CABLES1: variants seen among roughly 807,000 people sequenced by gnomAD.
CABLES1 encodes the protein Cdk5 and Abl enzyme substrate 1, also known as CDK5 and ABL1 enzyme substrate 1.
In CABLES1, 36 loss-of-function variants were observed where a neutral mutation model predicts 57.8. The ratio of observed to expected loss-of-function variants is 0.62; its 90% CI spans 0.48 to 0.82. CABLES1 has a LOEUF of 0.82. Ranked by LOEUF, CABLES1 falls within the 40% of genes least tolerant of loss-of-function variation. The probability of loss-of-function intolerance (pLI) is 0.00; values close to 1 mark genes in which losing one functional copy is unlikely to be tolerated. For missense variants in CABLES1, 767 were observed against 836.6 expected (o/e 0.92, Z 1.03); for synonymous variants, 374 against 363.0 (o/e 1.03, Z -0.35).
intron 8 of CABLES1, among the ~76,000 whole-genome samples, chr18:23,253,356 G>A (rs1479562231): frequency 1.3e-5 from 2 of 152,210 alleles, no homozygotes; most frequent in Non-Finnish European, 2.9e-5. Context: ...GGTGGTGCAC[G>A]CCTGTAAGCA....
At chr18:23,230,231 G>T (rs1475878278) in intron 4 of CABLES1, among the ~76,000 whole-genome samples, 1 of 152,154 alleles carries the variant, frequency 6.6e-6, no homozygotes, top group African/African-American at 2.4e-5. Flanking sequence ...AATTAGCCGG[G>T]CATGGCGGCA....
intron 3 of CABLES1, among the ~76,000 whole-genome samples, chr18:23,207,645 C>T (rs1456211041): frequency 6.6e-6 from 1 of 152,166 alleles, no homozygotes; most frequent in Non-Finnish European, 1.5e-5. Context: ...AGATCCCCAG[C>T]ACCTAGTACA....
rs900567741 is a variant in CABLES1, at chr18:23,245,436, G to A, written c.1447-7524G>A. 5.9e-5 allele frequency among the ~76,000 whole-genome samples: 9 copies of A among 151,914 alleles called. 1 individual carries two copies. Among genetic ancestry groups the A allele is most frequent in the South Asian group, 4.2e-4 (2 of 4,796 alleles). ...TGAGGCACGAGAATCGCTTGAACCC[G>A]GGAGGCGGAAGTTGCAGTGAGTGCC... On this transcript the variant is annotated intron_variant, in intron 7 of 9. Coordinates refer to ENST00000256925, the MANE Select transcript of CABLES1 (RefSeq NM_001100619.3).
At chr18:23,171,857 G>A (rs76071146) in intron 1 of CABLES1, among the ~76,000 whole-genome samples, 2,526 of 152,288 alleles carry the variant, frequency 0.017, 37 homozygotes, top group Middle Eastern at 0.044. Flanking sequence ...TCTGGCCTGT[G>A]AGTGTTGACC....
At chr18:23,237,113 T>TCATTTTG (rs756389414) in intron 6 of CABLES1, 29 bp from the exon 7 acceptor site, 9 of 1,345,220 alleles carry the variant, frequency 6.7e-6, no homozygotes, top group East Asian at 2.3e-5. Flanking sequence ...CCGCTAATTA[T>TCATTTTG]CATTTTGCAT....
rs1248996924 is a variant in CABLES1 at position 23,253,839 on chromosome 18, A to G, written c.1664A>G (p.Asn555Ser). The change falls in exon 9 of 10, where the codon AAC (asparagine) becomes AGC (serine). Residue 555 changes from asparagine (N) to serine (S), a missense_variant. Physicochemically the swap from Asn to Ser is conservative, Grantham distance 46 (BLOSUM62 1). Transcript: ENST00000256925. ...FEKLALKGKL[N>S]KQNRKLCAGA... ...AAGCTCGCCCTCAAGGGGAAACTCAACAAACAGAACCGGAAGCTGTGTGCT... is the reference window on the plus strand; with the variant it reads ...AAGCTCGCCCTCAAGGGGAAACTCAGCAAACAGAACCGGAAGCTGTGTGCT... 3.1e-6 allele frequency: 5 copies of G among 1,614,130 alleles called. No homozygotes were observed. The African/African-American group carries it at 6.7e-5, about 22-fold the overall frequency.
At chr18:23,143,059 T>G (rs1013277983) in intron 1 of CABLES1, among the ~76,000 whole-genome samples, 14 of 152,172 alleles carry the variant, frequency 9.2e-5, no homozygotes, top group Non-Finnish European at 2.9e-5. Flanking sequence ...AATTTACAGG[T>G]CAGGCTCATG....
At chr18:23,181,448 A>G (rs1273365906) in intron 1 of CABLES1, among the ~76,000 whole-genome samples, 2 of 140,218 alleles carry the variant, frequency 1.4e-5, no homozygotes, top group Non-Finnish European at 3.0e-5. Context: ...GTAAGCCAAG[A>G]TCACACCATT....
At chr18:23,188,262 A>G (rs1235371337) in intron 1 of CABLES1, among the ~76,000 whole-genome samples, 1 of 152,174 alleles carries the variant, frequency 6.6e-6, no homozygotes, top group African/African-American at 2.4e-5. Flanking sequence ...ATCATGCCAT[A>G]TATTTATTCT....
At chr18:23,255,270 T>A (rs1476776457) in intron 9 of CABLES1, among the ~76,000 whole-genome samples, 1 of 152,060 alleles carries the variant, frequency 6.6e-6, no homozygotes, top group South Asian at 2.1e-4. Context: ...GCCCCAGATA[T>A]CAAAGCATCA....
At chr18:23,181,212 G>A (rs1012873072) in intron 1 of CABLES1, among the ~76,000 whole-genome samples, 10 of 152,110 alleles carry the variant, frequency 6.6e-5, no homozygotes, top group African/African-American at 1.7e-4. Flanking sequence ...TAGGCCAGCC[G>A]CGGTGTAATC....
At chr18:23,165,783 C>T (rs1334039612) in intron 1 of CABLES1, among the ~76,000 whole-genome samples, 1 of 152,228 alleles carries the variant, frequency 6.6e-6, no homozygotes, top group Non-Finnish European at 1.5e-5. Flanking sequence ...TTCCACTTTT[C>T]AGCTCTTGTG....
rs1455367280 is a variant in CABLES1 at position 23,234,717 on chromosome 18, G to A, written c.1185+13G>A. ...TGCTGATGGGAAGGTAAGGCTGCCA[G>A]GCTGCCAGTCACCAAGTTGTGCTGA... is the stretch of plus-strand genomic sequence containing the variant. On this transcript the variant is annotated intron_variant, in intron 5 of 9. Transcript: ENST00000256925. 1 of 1,607,344 alleles carries A rather than the reference G, an allele frequency of 6.2e-7. No individual in the cohort carries two copies. The highest frequency in any genetic ancestry group is 8.5e-7 in the Non-Finnish European group (1 of 1,174,980).
In CABLES1 at chr18:23,209,346, G is replaced by T. The variant is rs116278912; in HGVS notation, c.1011-4631G>T. On this transcript the variant is annotated intron_variant, in intron 3 of 9. Transcript: ENST00000256925. The stretch of plus-strand genomic sequence containing the variant: ...TTGGAACACATCCCTTGTGGATAAG[G>T]GGGGACACCTGTACTTACAAATAAG... 2.7e-3 allele frequency among the ~76,000 whole-genome samples: 409 copies of T among 152,330 alleles called. 1 individual carries two copies. The highest frequency in any genetic ancestry group is 9.6e-3 in the African/African-American group (398 of 41,568).
At chr18:23,208,010 A>G (rs929435212) in intron 3 of CABLES1, among the ~76,000 whole-genome samples, 53 of 152,292 alleles carry the variant, frequency 3.5e-4, no homozygotes, top group African/African-American at 1.3e-3. Flanking sequence ...TGCCCTGTGC[A>G]GCTCCACACT....
At chr18:23,252,509 C>CTGTT (rs2048063562) in intron 7 of CABLES1, among the ~76,000 whole-genome samples, 1 of 152,184 alleles carries the variant, frequency 6.6e-6, no homozygotes, top group Non-Finnish European at 1.5e-5. Flanking sequence ...GGCACTGTTA[C>CTGTT]TGTTTTTTGT....
chr18:23,251,152 A>T (rs1598881554), intron 7 of CABLES1, among the ~76,000 whole-genome samples: 1 of 152,194 alleles, frequency 6.6e-6, no homozygotes, highest in East Asian at 1.9e-4. Flanking sequence ...GCTTTGACTG[A>T]TTAAGATTAT....
At chr18:23,187,825 G>A (rs2047213989) in intron 1 of CABLES1, among the ~76,000 whole-genome samples, 1 of 152,114 alleles carries the variant, frequency 6.6e-6, no homozygotes. Context: ...AGGTATCAGA[G>A]TAGTTGGTCA....
In CABLES1 at chr18:23,238,973, C is replaced by T. The variant is rs755016657; in HGVS notation, c.1446+1728C>T. 3.3e-5 allele frequency among the ~76,000 whole-genome samples: 5 copies of T among 152,186 alleles called. No homozygotes were observed. The East Asian group carries it at 7.7e-4, about 23-fold the overall frequency. ...AAGAGAATAGGAAGGTACACTATTT[C>T]GATGTTGGCGGGAGCTGTCCTAACA... On this transcript the variant is annotated intron_variant, in intron 7 of 9. Transcript: ENST00000256925.
Sources: allele counts gnomAD v4.1 joint callset (sites outside exome capture counted in the v4.1 genomes callset), GRCh38; gene constraint gnomAD v4.1.1; transcripts MANE v1.5; gene names NCBI Gene and HGNC (gene_info 2026-07-23, HGNC 2026-07-21).